TSHZ1: variants seen among roughly 807,000 people sequenced by gnomAD.
The protein encoded by TSHZ1 is teashirt homolog 1.
Under a neutral mutation model 67.1 loss-of-function variants are expected in TSHZ1, and 12 were observed. That is an observed-to-expected ratio of 0.18 (90% CI 0.11 to 0.29). TSHZ1 has a LOEUF of 0.29. TSHZ1 is among the 10% of genes least tolerant of loss of function. The pLI is 1.00. For missense variants in TSHZ1, 1,305 were observed against 1,413.9 expected (o/e 0.92, Z 1.23); for synonymous variants, 632 against 622.4 (o/e 1.02, Z -0.23).
In TSHZ1 at chr18:75,228,818, C is replaced by G. The variant is rs1160001500; in HGVS notation, c.40+16902C>G. Among the ~76,000 whole-genome samples, 4 of 152,168 alleles carry G rather than the reference C, an allele frequency of 2.6e-5. No homozygotes were observed. The East Asian group carries it at 7.7e-4, about 29-fold the overall frequency. On this transcript the variant is annotated intron_variant, in intron 1 of 1. Transcript: ENST00000580243. ...GTGGAGATGGTCTAGTGCATTTGTC[C>G]TTTCTTCCAGGAGCACGGATCCCAG...
chr18:75,285,714 C>A lies in TSHZ1; in HGVS notation c.307C>A (p.Pro103Thr), dbSNP rs1432872978. Residue 103 changes from proline to threonine, a missense_variant, in exon 2 of 2, where the codon CCC (proline) becomes ACC (threonine). Physicochemically the swap from Pro to Thr is conservative, Grantham distance 38 (BLOSUM62 -1). This residue lies in a region of TSHZ1 where 358 missense variants were observed against 375.6 expected (regional missense o/e 0.95). Transcript: ENST00000580243. ...AGAAGAGAAGGAGGATCCGCAGTGT[C>A]CCGACAGCGTCTCGTACCCCCAGGA... ...SREEKEDPQC[P>T]DSVSYPQDSL... 5.0e-6 allele frequency: 8 copies of A among 1,614,116 alleles called. No individual in the cohort carries two copies. The Middle Eastern group carries it at 4.9e-4, about 100-fold the overall frequency.
In TSHZ1 at chr18:75,288,761, G is replaced by C; in HGVS notation, c.*120G>C. The C allele has an allele frequency of 9.6e-6, 14 of 1,459,188 alleles. 1 individual carries two copies. The South Asian group carries it at 2.1e-4, about 22-fold the overall frequency. The allele number at this position is 1,459,188 out of a possible 1,614,324, so 90.4% of individuals were successfully genotyped here. On this transcript the variant is annotated 3_prime_UTR_variant, in exon 2 of 2. Coordinates refer to ENST00000580243, the MANE Select transcript of TSHZ1 (RefSeq NM_001308210.2). The surrounding 1 kb of genome is among the most constrained non-coding windows in gnomAD (Gnocchi z 4.9). ...TTGCTGGCCCGCCTCTCTGGACCTT[G>C]GTTTTCTTACACATATTTTGTATAT... is the stretch of plus-strand genomic sequence containing the variant.
chr18:75,259,288 A>G (rs1217299395), intron 1 of TSHZ1, among the ~76,000 whole-genome samples: 2 of 152,198 alleles, frequency 1.3e-5, no homozygotes, highest in Non-Finnish European at 2.9e-5. Context: ...CCATTGCAGT[A>G]GCTGCCCCGC....
Position 75,288,502 on chromosome 18 carries a change from A to C in TSHZ1, c.3095A>C (p.Asp1032Ala). Residue 1032 changes from aspartate to alanine, a missense_variant, in exon 2 of 2, where the codon GAC (aspartate) becomes GCC (alanine). This residue lies in a region of TSHZ1 where 909 missense variants were observed against 961.8 expected (regional missense o/e 0.95). Transcript: ENST00000580243. The surrounding 1 kb of genome is among the most constrained non-coding windows in gnomAD (Gnocchi z 4.9). ...TLGPLGATEE[D>A]LGSTFQCKLC... ...GGCCCACTGGGGGCCACCGAGGAAG[A>C]CTTGGGCTCCACATTCCAATGTAAG... 1 of 1,614,246 alleles carries C rather than the reference A, an allele frequency of 6.2e-7. No individual in the cohort carries two copies. Among genetic ancestry groups the C allele is most frequent in the African/African-American group, 1.3e-5 (1 of 75,076 alleles).
chr18:75,287,288 C>G lies in TSHZ1; in HGVS notation c.1881C>G (p.Leu627=). 1 of 1,614,074 alleles carries G rather than the reference C, an allele frequency of 6.2e-7. No individual in the cohort carries two copies. The highest frequency in any genetic ancestry group is 8.5e-7 in the Non-Finnish European group (1 of 1,179,994). The change falls in exon 2 of 2, where the codon CTC becomes CTG. Residue 627 remains leucine, a synonymous_variant. Coordinates refer to ENST00000580243, the MANE Select transcript of TSHZ1 (RefSeq NM_001308210.2). This position sits in a 1 kb window ranked among gnomAD's most constrained non-coding sequence, Gnocchi z 5.0. ...HNALLHSPGS[L]TPPPHKSNVS... ...CCCTCCTGCACTCCCCAGGGAGCCT[C>G]ACGCCCCCACCGCACAAGAGCAACG...
chr18:75,287,180 A>G lies in TSHZ1; in HGVS notation c.1773A>G (p.Pro591=). The part of the protein sequence containing the change: ...AAYQLPGTVK[P]LPAAVQSVQV... The stretch of plus-strand genomic sequence containing the variant: ...ACCAGCTCCCGGGCACCGTGAAGCC[A>G]CTGCCGGCGGCCGTGCAGAGCGTGC... Residue 591 remains proline, a synonymous_variant, in exon 2 of 2, where the codon CCA becomes CCG. Coordinates refer to ENST00000580243, the MANE Select transcript of TSHZ1 (RefSeq NM_001308210.2). This position sits in a 1 kb window ranked among gnomAD's most constrained non-coding sequence, Gnocchi z 5.0. The G allele has an allele frequency of 6.2e-7, 1 of 1,613,684 alleles. No homozygotes were observed. Among genetic ancestry groups the G allele is most frequent in the Non-Finnish European group, 8.5e-7 (1 of 1,179,860 alleles).
rs574385316 is a variant in TSHZ1, at chr18:75,286,521, G to A, written c.1114G>A (p.Ala372Thr). The A allele has an allele frequency of 2.4e-5, 38 of 1,614,210 alleles. 1 individual carries two copies. Among genetic ancestry groups the A allele is most frequent in the Admixed American group, 1.7e-4 (10 of 60,034 alleles). Residue 372 changes from alanine to threonine, a missense_variant, in exon 2 of 2, where the codon GCA becomes ACA. Ala to Thr is a moderately conservative substitution (Grantham distance 58, BLOSUM62 0). Transcript: ENST00000580243. This position sits in a 1 kb window ranked among gnomAD's most constrained non-coding sequence, Gnocchi z 5.1. The part of the protein sequence containing the change: ...PCSPEPAGMA[A>T]EVALSESAKD... ...CTCCCCTGAGCCAGCAGGAATGGCC[G>A]CAGAGGTGGCCCTGAGTGAGTCAGC... is the stretch of plus-strand genomic sequence containing the variant.
intron 1 of TSHZ1, among the ~76,000 whole-genome samples, chr18:75,278,434 C>T (rs1407484023): frequency 1.3e-5 from 2 of 152,172 alleles, no homozygotes; most frequent in South Asian, 2.1e-4. Context: ...GGCTTTGTCC[C>T]GTGACTCCTG....
chr18:75,254,636 T>C (rs2023342127), intron 1 of TSHZ1, among the ~76,000 whole-genome samples: 1 of 151,974 alleles, frequency 6.6e-6, no homozygotes, highest in Non-Finnish European at 1.5e-5. Context: ...CAGGGAGAAA[T>C]GATAGCAGAT....
intron 1 of TSHZ1, among the ~76,000 whole-genome samples, chr18:75,232,070 G>A (rs1036814255): frequency 6.6e-6 from 1 of 151,768 alleles, no homozygotes; most frequent in African/African-American, 2.4e-5. Flanking sequence ...AGGCCACAAT[G>A]TCTGGCTAAG....
At chr18:75,218,020 T>C (rs554627483) in intron 1 of TSHZ1, among the ~76,000 whole-genome samples, 4 of 152,360 alleles carry the variant, frequency 2.6e-5, no homozygotes, top group Admixed American at 2.0e-4. Context: ...AATCAAGCCC[T>C]AATGCCTTGA....
intron 1 of TSHZ1, among the ~76,000 whole-genome samples, chr18:75,273,731 T>C (rs1290181609): frequency 1.3e-5 from 2 of 152,230 alleles, no homozygotes; most frequent in Non-Finnish European, 2.9e-5. Context: ...GAATTTCATG[T>C]TGCTCAGGAT....
In TSHZ1 at chr18:75,287,599, G is replaced by A. The variant is rs1344842996; in HGVS notation, c.2192G>A (p.Gly731Glu). The change falls in exon 2 of 2, where the codon GGG (glycine) becomes GAG (glutamate). Residue 731 changes from glycine (G) to glutamate (E), a missense_variant. Coordinates refer to ENST00000580243, the MANE Select transcript of TSHZ1 (RefSeq NM_001308210.2). The surrounding 1 kb of genome is among the most constrained non-coding windows in gnomAD (Gnocchi z 5.0). ...GTCACCAACGGCTGTAACAACCTGG[G>A]GATCATCATGGACCACTCACCGGAG... ...AKVTNGCNNL[G>E]IIMDHSPEPS... The A allele has an allele frequency of 1.2e-6, 2 of 1,614,142 alleles. No homozygotes were observed. The highest frequency in any genetic ancestry group is 1.1e-5 in the South Asian group (1 of 91,084).
Position 75,287,486 on chromosome 18 carries a change from G to A in TSHZ1, c.2079G>A (p.Lys693=), listed in dbSNP as rs1047055883. 2 of 1,614,100 alleles carry A rather than the reference G, an allele frequency of 1.2e-6. No individual in the cohort carries two copies. Among genetic ancestry groups the A allele is most frequent in the African/African-American group, 2.7e-5 (2 of 74,940 alleles). ...TEEVSGKPQK[K]GPEAETGKAK... ...AAGTCAGCGGCAAACCACAGAAGAAGGGCCCTGAGGCCGAGACTGGGAAGG... is the reference window on the plus strand; with the variant it reads ...AAGTCAGCGGCAAACCACAGAAGAAAGGCCCTGAGGCCGAGACTGGGAAGG... The change falls in exon 2 of 2, where the codon AAG becomes AAA. Residue 693 remains lysine, a synonymous_variant. Coordinates refer to ENST00000580243, the MANE Select transcript of TSHZ1 (RefSeq NM_001308210.2). The surrounding 1 kb of genome is among the most constrained non-coding windows in gnomAD (Gnocchi z 5.0).
intron 1 of TSHZ1, among the ~76,000 whole-genome samples, chr18:75,237,063 A>G (rs1186939537): frequency 6.6e-6 from 1 of 152,154 alleles, no homozygotes; most frequent in African/African-American, 2.4e-5. Flanking sequence ...CCTTTCCACT[A>G]GGCGGCTTCT....
chr18:75,219,891 C>T (rs937024231), intron 1 of TSHZ1, among the ~76,000 whole-genome samples: 3 of 152,204 alleles, frequency 2.0e-5, no homozygotes, highest in African/African-American at 7.2e-5. Flanking sequence ...TGTTCTCATA[C>T]CTGTAGATAT....
rs144079628 is a variant in TSHZ1 at position 75,258,073 on chromosome 18, G to A, written c.41-27375G>A. 6.0e-4 allele frequency among the ~76,000 whole-genome samples: 92 copies of A among 152,268 alleles called. 1 individual carries two copies. The East Asian group carries it at 9.3e-3, about 15-fold the overall frequency. On this transcript the variant is annotated intron_variant, in intron 1 of 1. Transcript: ENST00000580243. ...GACCTGCTCCTAGGACCCATCTGCC[G>A]GCTGCTGCTCCTCTGTCTGGGAGAC...
At chr18:75,237,413 T>G (rs2023087650) in intron 1 of TSHZ1, among the ~76,000 whole-genome samples, 1 of 152,106 alleles carries the variant, frequency 6.6e-6, no homozygotes, top group Non-Finnish European at 1.5e-5. Context: ...TCCCAGCTAC[T>G]CAGGAGGCTG....
intron 1 of TSHZ1, among the ~76,000 whole-genome samples, chr18:75,224,301 G>T (rs1241754566): frequency 6.6e-6 from 1 of 152,052 alleles, no homozygotes; most frequent in Non-Finnish European, 1.5e-5. Context: ...AGCTTAACAG[G>T]ATTTCTTTCT....
Sources: gnomAD v4.1 joint callset for allele counts (sites outside exome capture counted in the v4.1 genomes callset) on GRCh38, gnomAD v4.1.1 for gene constraint, gnomAD v4.1.1 regional missense constraint, Gnocchi (gnomAD v3.1) non-coding constraint, MANE v1.5 for transcripts, NCBI Gene and HGNC (gene_info 2026-07-23, HGNC 2026-07-21) for gene names.